FNDC3B: variants seen among roughly 807,000 people sequenced by gnomAD.
FNDC3B encodes the protein fibronectin type III domain-containing protein 3B.
In FNDC3B, 12 loss-of-function variants were observed where a neutral mutation model predicts 151.5. The ratio of observed to expected loss-of-function variants is 0.08; its 90% CI spans 0.05 to 0.13. FNDC3B has a LOEUF of 0.13. Ranked by LOEUF, FNDC3B falls within the 10% of genes least tolerant of loss-of-function variation. The pLI is 1.00. For synonymous variants in FNDC3B, 528 were observed against 549.0 expected (o/e 0.96, Z 0.54); for missense variants, 1,214 against 1,505.3 (o/e 0.81, Z 3.20).
chr3:172,315,145 G>T (rs1731714742), intron 11 of FNDC3B, among the ~76,000 whole-genome samples: 1 of 152,206 alleles, frequency 6.6e-6, no homozygotes, highest in South Asian at 2.1e-4. Flanking sequence ...GGGAGGCCCA[G>T]ACGGGTGGAT....
rs1243328212 is a variant in FNDC3B, at chr3:172,334,961, G to A, written c.1659G>A (p.Thr553=). The A allele has an allele frequency of 3.1e-6, 5 of 1,613,270 alleles. No homozygotes were observed. Among genetic ancestry groups the A allele is most frequent in the African/African-American group, 1.3e-5 (1 of 74,842 alleles). ...TGTTCTAGCTGACTGCTTCTAATACGGAAGGAAAAAGCTGTCCAAGCGAAG... is the reference window on the plus strand; with the variant it reads ...TGTTCTAGCTGACTGCTTCTAATACAGAAGGAAAAAGCTGTCCAAGCGAAG... ...QYKFRLTASN[T]EGKSCPSEVL... Residue 553 remains threonine (T), a synonymous_variant, in exon 15 of 26, where the codon ACG becomes ACA. Coordinates refer to ENST00000415807, the MANE Select transcript of FNDC3B (RefSeq NM_022763.4).
intron 1 of FNDC3B, among the ~76,000 whole-genome samples, chr3:172,051,160 C>T (rs971567840): frequency 9.9e-5 from 15 of 150,814 alleles, no homozygotes; most frequent in East Asian, 7.8e-4. Context: ...CTCGGCTCAC[C>T]GCAACCTCTG....
At chr3:172,122,724 C>A (rs1332411086) in intron 2 of FNDC3B, among the ~76,000 whole-genome samples, 1 of 152,204 alleles carries the variant, frequency 6.6e-6, no homozygotes, top group Admixed American at 6.5e-5. Flanking sequence ...CCTGCCCCTT[C>A]CTTGCTCCTT....
At chr3:172,167,825 C>T (rs1466565458) in intron 3 of FNDC3B, among the ~76,000 whole-genome samples, 1 of 152,166 alleles carries the variant, frequency 6.6e-6, no homozygotes, top group East Asian at 1.9e-4. Flanking sequence ...AGGTTGCGTA[C>T]TCCTTATAAG....
intron 9 of FNDC3B, among the ~76,000 whole-genome samples, chr3:172,303,758 T>G (rs891015575): frequency 2.7e-4 from 41 of 152,098 alleles, no homozygotes; most frequent in African/African-American, 8.9e-4. Context: ...TCTTTTAAAA[T>G]GTAGCATCAT....
At chr3:172,051,107 G>A (rs1286496907) in intron 1 of FNDC3B, among the ~76,000 whole-genome samples, 1 of 147,992 alleles carries the variant, frequency 6.8e-6, no homozygotes, top group Non-Finnish European at 1.5e-5. Context: ...TTTGGAGATG[G>A]AGTTTCACTC....
At chr3:172,390,122 T>A (rs1185572685) in intron 25 of FNDC3B, among the ~76,000 whole-genome samples, 3 of 152,238 alleles carry the variant, frequency 2.0e-5, no homozygotes, top group African/African-American at 7.2e-5. Context: ...TTCAAGCCAT[T>A]GTGCTGGTTG....
intron 25 of FNDC3B, 138 bp from the exon 26 acceptor site, chr3:172,397,026 A>T (rs1736324171): frequency 1.5e-6 from 1 of 647,946 alleles, no homozygotes; most frequent in Non-Finnish European, 2.6e-6. Flanking sequence ...TGAGAGAAGT[A>T]CATTTTTATA....
chr3:172,077,913 A>C (rs1341162497), intron 1 of FNDC3B, among the ~76,000 whole-genome samples: 3 of 152,174 alleles, frequency 2.0e-5, no homozygotes, highest in Admixed American at 2.0e-4. Context: ...AATGTGTTTA[A>C]TTATTATAAC....
intron 1 of FNDC3B, among the ~76,000 whole-genome samples, chr3:172,106,812 A>G (rs924462639): frequency 6.6e-6 from 1 of 152,234 alleles, no homozygotes; most frequent in Non-Finnish European, 1.5e-5. Flanking sequence ...CCAAAGTACC[A>G]TGGAAAATCT....
At chr3:172,043,637 C>G (rs1233324604) in intron 1 of FNDC3B, among the ~76,000 whole-genome samples, 1 of 152,140 alleles carries the variant, frequency 6.6e-6, no homozygotes, top group African/African-American at 2.4e-5. Flanking sequence ...TACATTCAGC[C>G]CTTAAATGGA....
chr3:172,145,370 T>A (rs888145879), intron 3 of FNDC3B, among the ~76,000 whole-genome samples: 1 of 152,204 alleles, frequency 6.6e-6, no homozygotes, highest in Non-Finnish European at 1.5e-5. Context: ...CTAGTGAAAA[T>A]GTTATTCTGT....
chr3:172,228,354 A>C (rs1055646891), intron 4 of FNDC3B, among the ~76,000 whole-genome samples: 8 of 152,224 alleles, frequency 5.3e-5, no homozygotes, highest in African/African-American at 1.9e-4. Flanking sequence ...ATTCCATTGA[A>C]TAGAGTACAG....
intron 3 of FNDC3B, among the ~76,000 whole-genome samples, chr3:172,143,909 A>AAATG (rs1721768420): frequency 9.1e-5 from 2 of 22,052 alleles, no homozygotes; most frequent in Admixed American, 8.5e-4. Flanking sequence ...CTCCATCTCA[A>AAATG]AATAAATAAA....
At chr3:172,385,511 G>GA (rs1026181740) in intron 25 of FNDC3B, among the ~76,000 whole-genome samples, 5 of 150,772 alleles carry the variant, frequency 3.3e-5, no homozygotes, top group Non-Finnish European at 5.9e-5. Flanking sequence ...AGCATAGAAA[G>GA]AAAAAAATCA....
intron 2 of FNDC3B, among the ~76,000 whole-genome samples, chr3:172,118,055 T>C (rs1198377292): frequency 1.3e-5 from 2 of 152,228 alleles, no homozygotes; most frequent in Non-Finnish European, 2.9e-5. Flanking sequence ...GAGAGTTTTT[T>C]TCCCTCTTTT....
At chr3:172,384,942 G>T (rs1212338787) in intron 25 of FNDC3B, among the ~76,000 whole-genome samples, 1 of 152,176 alleles carries the variant, frequency 6.6e-6, no homozygotes, top group Non-Finnish European at 1.5e-5. Context: ...GTACTGCACG[G>T]CAGGCTCAGC....
intron 1 of FNDC3B, among the ~76,000 whole-genome samples, chr3:172,052,825 A>G (rs1426908593): frequency 6.6e-6 from 1 of 152,182 alleles, no homozygotes; most frequent in African/African-American, 2.4e-5. Flanking sequence ...GGCTGGAAAG[A>G]GGTGAGAATA....
At chr3:172,091,093 T>C (rs1017159872) in intron 1 of FNDC3B, among the ~76,000 whole-genome samples, 1 of 152,198 alleles carries the variant, frequency 6.6e-6, no homozygotes. Flanking sequence ...TCATTGCCTA[T>C]GAAGAGTTTA....
Sources: allele counts gnomAD v4.1 joint callset (sites outside exome capture counted in the v4.1 genomes callset), GRCh38; gene constraint gnomAD v4.1.1; transcripts MANE v1.5; gene names NCBI Gene and HGNC (gene_info 2026-07-23, HGNC 2026-07-21).